The following AFG2A variants were observed in gnomAD, a reference collection of about 807,000 sequenced individuals.
AFG2A encodes ATPase family gene 2 protein homolog A.
At chr4:123,074,257 G>A in the AFG2A span, among the ~76,000 whole-genome samples, 1 of 151,732 alleles carries the variant, frequency 6.6e-6, no homozygotes, top group Non-Finnish European at 1.5e-5. Flanking sequence ...ACCATGCCTG[G>A]CTAATTTTCG....
chr4:123,150,558 A>G, the AFG2A span, among the ~76,000 whole-genome samples: 1 of 151,966 alleles, frequency 6.6e-6, no homozygotes, highest in African/African-American at 2.4e-5. Flanking sequence ...CCAACTTACA[A>G]GGGATGTGAA....
chr4:123,090,975 C>T, the AFG2A span, among the ~76,000 whole-genome samples: 1 of 152,350 alleles, frequency 6.6e-6, no homozygotes, highest in East Asian at 1.9e-4. Flanking sequence ...GCAAGCTAGT[C>T]TCTCAAGGTT....
the AFG2A span, among the ~76,000 whole-genome samples, chr4:122,929,735 C>T: frequency 5.9e-5 from 9 of 151,940 alleles, no homozygotes; most frequent in South Asian, 2.1e-4. Context: ...TATTTTGCAT[C>T]CTTTTTTTCA....
chr4:123,047,283 AACCATTC>A, the AFG2A span, among the ~76,000 whole-genome samples: 1 of 152,202 alleles, frequency 6.6e-6, no homozygotes, highest in South Asian at 2.1e-4. Flanking sequence ...TTTTGATAAT[AACCATTC>A]TAACTTGCAT....
At chr4:123,042,734 C>A in the AFG2A span, among the ~76,000 whole-genome samples, 1 of 152,114 alleles carries the variant, frequency 6.6e-6, no homozygotes, top group Non-Finnish European at 1.5e-5. Context: ...AATACTTGCT[C>A]AAGCATCTAT....
the AFG2A span, among the ~76,000 whole-genome samples, chr4:123,297,093 A>G: frequency 1.1e-3 from 161 of 152,246 alleles, no homozygotes; most frequent in East Asian, 0.029. Context: ...GAGTTTTGTA[A>G]TCTATTAGCC....
the AFG2A span, among the ~76,000 whole-genome samples, chr4:123,025,631 CTCA>C: frequency 6.6e-6 from 1 of 152,074 alleles, no homozygotes; most frequent in Non-Finnish European, 1.5e-5. Context: ...AACAATCTAC[CTCA>C]TCATTTAAAA....
the AFG2A span, chr4:122,938,262 C>T: frequency 1.0e-5 from 16 of 1,560,058 alleles, no homozygotes; most frequent in Admixed American, 1.9e-5. Context: ...AAGTATAGCA[C>T]TAGTATTGAT....
chr4:123,313,525 C>T, the AFG2A span, among the ~76,000 whole-genome samples: 1 of 152,210 alleles, frequency 6.6e-6, no homozygotes, highest in Admixed American at 6.5e-5. Flanking sequence ...CCTCCCTCCA[C>T]CACATAGAGA....
chr4:123,279,350 C>T, the AFG2A span, among the ~76,000 whole-genome samples: 2 of 151,624 alleles, frequency 1.3e-5, no homozygotes, highest in South Asian at 4.2e-4. Context: ...GCAGAGGTTG[C>T]AGTGAGCCAG....
chr4:123,295,306 C>A, the AFG2A span, among the ~76,000 whole-genome samples: 5 of 152,178 alleles, frequency 3.3e-5, no homozygotes, highest in African/African-American at 1.2e-4. Flanking sequence ...AGGACAGAAG[C>A]AGGTAAAGAA....
the AFG2A span, among the ~76,000 whole-genome samples, chr4:122,948,520 A>G: frequency 6.6e-6 from 1 of 151,890 alleles, no homozygotes; most frequent in Admixed American, 6.6e-5. Flanking sequence ...ATCAGGGAGA[A>G]GTGTAAACTG....
chr4:123,069,867 C>T, the AFG2A span, among the ~76,000 whole-genome samples: 1 of 152,178 alleles, frequency 6.6e-6, no homozygotes, highest in Non-Finnish European at 1.5e-5. Context: ...TAACAATCTC[C>T]TAGTAATACA....
the AFG2A span, among the ~76,000 whole-genome samples, chr4:122,963,445 G>A: frequency 6.6e-6 from 1 of 152,204 alleles, no homozygotes; most frequent in Non-Finnish European, 1.5e-5. Flanking sequence ...CACTCATTGA[G>A]TACTTGGATT....
the AFG2A span, among the ~76,000 whole-genome samples, chr4:123,271,160 GT>G: frequency 6.6e-6 from 1 of 152,208 alleles, no homozygotes; most frequent in Non-Finnish European, 1.5e-5. Flanking sequence ...TAGGTGCCAA[GT>G]TCAAGGCCAA....
the AFG2A span, among the ~76,000 whole-genome samples, chr4:123,176,934 G>T: frequency 6.6e-6 from 1 of 152,118 alleles, no homozygotes; most frequent in Non-Finnish European, 1.5e-5. Context: ...CTGTTGTAAT[G>T]ATAGCATGTT....
the AFG2A span, among the ~76,000 whole-genome samples, chr4:123,295,340 A>G: frequency 6.6e-6 from 1 of 152,252 alleles, no homozygotes; most frequent in Non-Finnish European, 1.5e-5. Flanking sequence ...AAATTTTACC[A>G]GGTTCTTTCC....
chr4:123,314,190 T>C, the AFG2A span: 2 of 696,132 alleles, frequency 2.9e-6, no homozygotes, highest in Non-Finnish European at 4.4e-6. Flanking sequence ...CAGTAGAATT[T>C]AGGGGCTTTG....
At chr4:122,923,431 C>T in the AFG2A span, 1 of 1,283,812 alleles carries the variant, frequency 7.8e-7, no homozygotes, top group East Asian at 2.3e-5. Context: ...CTGAGAGCGG[C>T]ACAGAAGCGT....
Sources: allele counts gnomAD v4.1 joint callset (sites outside exome capture counted in the v4.1 genomes callset), GRCh38; gene constraint gnomAD v4.1.1; transcripts MANE v1.5; gene names NCBI Gene and HGNC (gene_info 2026-07-23, HGNC 2026-07-21).